DLG2: variants seen among roughly 807,000 people sequenced by gnomAD.
DLG2 encodes the protein discs large MAGUK scaffold protein 2, also known as disks large homolog 2.
A neutral mutation model predicts 132.5 loss-of-function variants in DLG2; 45 were observed. The ratio of observed to expected loss-of-function variants is 0.34; its 90% CI spans 0.27 to 0.44. The LOEUF (loss-of-function observed/expected upper bound fraction) is 0.44. Ranked by LOEUF, DLG2 falls within the 20% of genes least tolerant of loss-of-function variation. The probability of loss-of-function intolerance (pLI) is 1.00; values close to 1 mark genes in which losing one functional copy is unlikely to be tolerated. For synonymous variants in DLG2, 424 were observed against 419.6 expected (o/e 1.01, Z -0.13); for missense variants, 1,045 against 1,196.9 (o/e 0.87, Z 1.87).
At chr11:84,708,069 C>T (rs905372253) in intron 6 of DLG2, among the ~76,000 whole-genome samples, 1 of 151,714 alleles carries the variant, frequency 6.6e-6, no homozygotes, top group African/African-American at 2.4e-5. Context: ...ATGAAAGGAA[C>T]TTTAATTTGG....
intron 6 of DLG2, among the ~76,000 whole-genome samples, chr11:84,690,814 C>T (rs933613315): frequency 6.6e-6 from 1 of 151,810 alleles, no homozygotes; most frequent in Non-Finnish European, 1.5e-5. Context: ...GTAATTCCAA[C>T]CTAGGTTTAT....
chr11:84,338,522 A>C (rs528507815), intron 7 of DLG2, among the ~76,000 whole-genome samples: 333 of 152,308 alleles, frequency 2.2e-3, no homozygotes, highest in African/African-American at 7.5e-3. Flanking sequence ...CCGTTTCTTC[A>C]CATATAAAGT....
chr11:85,427,747 T>C (rs762120926), intron 3 of DLG2, among the ~76,000 whole-genome samples: 3 of 152,202 alleles, frequency 2.0e-5, no homozygotes, highest in Non-Finnish European at 2.9e-5. Context: ...GCTGACATCA[T>C]AATGACAGGA....
intron 18 of DLG2, among the ~76,000 whole-genome samples, chr11:83,776,005 T>C (rs1468218285): frequency 1.3e-5 from 2 of 152,128 alleles, no homozygotes; most frequent in African/African-American, 4.8e-5. Flanking sequence ...GGCAGGAGAA[T>C]GGTGTGAACC....
intron 3 of DLG2, among the ~76,000 whole-genome samples, chr11:85,427,198 C>A: frequency 6.6e-6 from 1 of 151,076 alleles, no homozygotes; most frequent in Non-Finnish European, 1.5e-5. Context: ...TTGGAAAGCA[C>A]TCTACAGGAT....
chr11:83,996,126 GA>G lies in DLG2; in HGVS notation c.920-15485del, dbSNP rs537648936. Among the ~76,000 whole-genome samples, 31 of 151,516 alleles carry G rather than the reference GA, an allele frequency of 2.0e-4. 1 individual carries two copies. In the East Asian group the frequency reaches 5.4e-3, roughly 27 times the overall value. On this transcript the variant is annotated intron_variant, in intron 11 of 27. Transcript: ENST00000376104. ...ATGTAAGGAACTCAAACAACTCTAA[GA>G]AAAAAAACAATAATATGATAAAAAG... is the stretch of plus-strand genomic sequence containing the variant.
chr11:84,518,525 A>C (rs1037793499), intron 7 of DLG2, among the ~76,000 whole-genome samples: 1 of 152,050 alleles, frequency 6.6e-6, no homozygotes, highest in Non-Finnish European at 1.5e-5. Flanking sequence ...AAAGCAAACA[A>C]ACTTCCTCAT....
At chr11:84,024,334 C>T (rs113385568) in intron 11 of DLG2, among the ~76,000 whole-genome samples, 1,870 of 152,214 alleles carry the variant, frequency 0.012, 38 homozygotes, top group African/African-American at 0.043. Flanking sequence ...GAAATACAGC[C>T]TTGCAGCCTA....
intron 2 of DLG2, among the ~76,000 whole-genome samples, chr11:85,625,484 C>T (rs931049721): frequency 5.3e-5 from 8 of 152,176 alleles, no homozygotes; most frequent in African/African-American, 1.7e-4. Context: ...GCAAATATCA[C>T]AGTTCTAGGT....
At chr11:84,006,351 C>A (rs1020768796) in intron 11 of DLG2, among the ~76,000 whole-genome samples, 1 of 151,356 alleles carries the variant, frequency 6.6e-6, no homozygotes, top group Non-Finnish European at 1.5e-5. Flanking sequence ...TTAGATGAAA[C>A]GTATAAGTTC....
intron 4 of DLG2, among the ~76,000 whole-genome samples, chr11:85,274,563 T>G (rs986584215): frequency 1.3e-5 from 2 of 152,134 alleles, no homozygotes; most frequent in Non-Finnish European, 2.9e-5. Context: ...TTACACACTG[T>G]AGGGTCTCAG....
chr11:84,754,251 T>C (rs1353498019), intron 6 of DLG2, among the ~76,000 whole-genome samples: 1 of 152,200 alleles, frequency 6.6e-6, no homozygotes, highest in Non-Finnish European at 1.5e-5. Context: ...CAAAGCACTA[T>C]ATAAATAATA....
intron 3 of DLG2, among the ~76,000 whole-genome samples, chr11:85,399,401 G>C (rs1318575214): frequency 2.6e-5 from 4 of 152,114 alleles, no homozygotes; most frequent in African/African-American, 9.7e-5. Flanking sequence ...AGCTACCAAT[G>C]ACTTTCTTCA....
chr11:84,835,969 T>G (rs2079707502), intron 6 of DLG2, among the ~76,000 whole-genome samples: 1 of 151,686 alleles, frequency 6.6e-6, no homozygotes, highest in Admixed American at 6.6e-5. Flanking sequence ...TAAAATAAAC[T>G]GAAGAATTAC....
chr11:85,064,702 T>C (rs1002655430), intron 6 of DLG2, among the ~76,000 whole-genome samples: 2 of 151,724 alleles, frequency 1.3e-5, no homozygotes, highest in African/African-American at 4.8e-5. Flanking sequence ...TTTTTACATA[T>C]GATTAGCATT....
At chr11:83,868,366 G>C (rs1462508901) in intron 16 of DLG2, among the ~76,000 whole-genome samples, 1 of 151,978 alleles carries the variant, frequency 6.6e-6, no homozygotes, top group South Asian at 2.1e-4. Context: ...AAATCTTTTT[G>C]GGGGGAGCAG....
chr11:85,558,854 G>A (rs528421740), intron 3 of DLG2, among the ~76,000 whole-genome samples: 48 of 151,894 alleles, frequency 3.2e-4, no homozygotes, highest in African/African-American at 1.1e-3. Flanking sequence ...CAGTTCCTGG[G>A]TGACGGGATC....
At chr11:83,930,203 A>G (rs2079882198) in intron 15 of DLG2, 125 bp downstream of exon 15, 1 of 1,112,286 alleles carries the variant, frequency 9.0e-7, no homozygotes, top group Admixed American at 2.4e-5. Context: ...GGAACAGCAG[A>G]ACATCTCTCC....
chr11:83,967,087 A>C (rs1430007302), intron 12 of DLG2, among the ~76,000 whole-genome samples: 1 of 152,060 alleles, frequency 6.6e-6, no homozygotes, highest in Non-Finnish European at 1.5e-5. Flanking sequence ...TTTAAGGCTG[A>C]ATATTTCATT....
Sources: gnomAD v4.1 joint callset for allele counts (sites outside exome capture counted in the v4.1 genomes callset) on GRCh38, gnomAD v4.1.1 for gene constraint, MANE v1.5 for transcripts, NCBI Gene and HGNC (gene_info 2026-07-23, HGNC 2026-07-21) for gene names.